MATN2: variants seen among roughly 807,000 people sequenced by gnomAD.
MATN2 encodes matrilin-2.
A neutral mutation model predicts 103.2 loss-of-function variants in MATN2; 69 were observed. That is an observed-to-expected ratio of 0.67 (90% CI 0.55 to 0.82). MATN2 has a LOEUF of 0.82. MATN2 is among the 40% of genes least tolerant of loss of function. The pLI is 0.00. For synonymous variants in MATN2, 429 were observed against 450.2 expected (o/e 0.95, Z 0.60); for missense variants, 1,023 against 1,211.5 (o/e 0.84, Z 2.31).
chr8:97,919,676 A>C (rs2512066), intron 2 of MATN2, among the ~76,000 whole-genome samples: 129,414 of 151,338 alleles, frequency 0.86, 55,551 homozygotes, highest in African/African-American at 0.93. Context: ...GCCCTCCCAA[A>C]CCCCCACCCA....
At chr8:97,876,567 G>T (rs1818078536) in intron 1 of MATN2, among the ~76,000 whole-genome samples, 1 of 151,460 alleles carries the variant, frequency 6.6e-6, no homozygotes. Context: ...CAAGCAATCT[G>T]CTCGGCTCAG....
At chr8:97,869,414 C>T (rs1226957802) in intron 1 of MATN2, 127 bp downstream of exon 1, 1 of 151,532 alleles carries the variant, frequency 6.6e-6, no homozygotes, top group East Asian at 1.9e-4. Context: ...CAGGCCCGCA[C>T]TGCAGCCCCC....
Position 97,931,484 on chromosome 8 carries a change from T to C in MATN2, c.674T>C (p.Ile225Thr), listed in dbSNP as rs1457441036. The change falls in exon 3 of 19, where the codon ATT becomes ACT. Residue 225 changes from isoleucine (I) to threonine (T), a missense_variant. By Grantham distance (89) the Ile-to-Thr change is moderately conservative. Coordinates refer to ENST00000254898, the MANE Select transcript of MATN2 (RefSeq NM_002380.5). The surrounding 1 kb of genome is among the most constrained non-coding windows in gnomAD (Gnocchi z 4.1). ...HVFLVANFSQ[I>T]ETLTSVFQKK... ...TTCCTTGTGGCCAATTTCAGCCAGA[T>C]TGAGACGCTGACCTCCGTGTTCCAG... The C allele has an allele frequency of 1.2e-6, 2 of 1,612,894 alleles. No individual in the cohort carries two copies. Among genetic ancestry groups the C allele is most frequent in the Non-Finnish European group, 1.7e-6 (2 of 1,179,604 alleles).
At chr8:97,881,432 G>A (rs866807626) in intron 1 of MATN2, among the ~76,000 whole-genome samples, 3 of 152,160 alleles carry the variant, frequency 2.0e-5, no homozygotes, top group African/African-American at 7.2e-5. Context: ...AGAAGAACCC[G>A]TAGTTAAGAC....
At chr8:98,013,236 C>T (rs1813232411) in intron 10 of MATN2, among the ~76,000 whole-genome samples, 1 of 152,168 alleles carries the variant, frequency 6.6e-6, no homozygotes, top group Non-Finnish European at 1.5e-5. Flanking sequence ...ATTTCCCATC[C>T]ACGGTTCTTT....
At chr8:98,023,998 C>T (rs1813694563) in intron 13 of MATN2, among the ~76,000 whole-genome samples, 1 of 152,116 alleles carries the variant, frequency 6.6e-6, no homozygotes, top group African/African-American at 2.4e-5. Context: ...AATGAGAACA[C>T]ATGGACACAG....
intron 7 of MATN2, among the ~76,000 whole-genome samples, chr8:98,002,151 G>C (rs966765242): frequency 1.3e-5 from 2 of 152,140 alleles, no homozygotes; most frequent in Non-Finnish European, 2.9e-5. Context: ...GCTATGTGTG[G>C]GGTCTTATGG....
chr8:97,927,775 T>C (rs768542064), intron 2 of MATN2, among the ~76,000 whole-genome samples: 80 of 152,206 alleles, frequency 5.3e-4, no homozygotes, highest in Non-Finnish European at 9.4e-4. Context: ...CAATTCTCCA[T>C]GGAACTTCCA....
intron 2 of MATN2, among the ~76,000 whole-genome samples, chr8:97,924,646 G>A (rs1809926317): frequency 1.3e-5 from 2 of 152,074 alleles, no homozygotes; most frequent in Non-Finnish European, 1.5e-5. Context: ...AGTAAGAATG[G>A]GAACCATCAG....
At chr8:97,998,336 C>T (rs929304317) in intron 7 of MATN2, among the ~76,000 whole-genome samples, 25 of 150,172 alleles carry the variant, frequency 1.7e-4, no homozygotes, top group East Asian at 5.9e-4. Flanking sequence ...CTGGCTAACA[C>T]GGTGAAACCC....
In MATN2 at chr8:97,931,291, G is replaced by T; in HGVS notation, c.481G>T (p.Val161Leu). ...GGGGGCCCGGCCCCTGAGGGAGAAT[G>T]TGCCACGGGTCATAATGATCGTGAC... ...AEGARPLREN[V>L]PRVIMIVTDG... The change falls in exon 3 of 19, where the codon GTG becomes TTG. Residue 161 changes from valine (V) to leucine (L), a missense_variant. Coordinates refer to ENST00000254898, the MANE Select transcript of MATN2 (RefSeq NM_002380.5). The surrounding 1 kb of genome is among the most constrained non-coding windows in gnomAD (Gnocchi z 4.1). The T allele has an allele frequency of 6.2e-7, 1 of 1,613,964 alleles. No homozygotes were observed. Among genetic ancestry groups the T allele is most frequent in the Non-Finnish European group, 8.5e-7 (1 of 1,179,888 alleles).
At chr8:98,003,809 C>T (rs1275375963) in intron 8 of MATN2, 26 bp downstream of exon 8, 1 of 1,612,726 alleles carries the variant, frequency 6.2e-7, no homozygotes. Context: ...GGGTGGGGTG[C>T]TGATGGAAGG....
At chr8:97,979,124 A>C in intron 6 of MATN2, 116 bp downstream of exon 6, 1 of 1,252,232 alleles carries the variant, frequency 8.0e-7, no homozygotes, top group African/African-American at 1.5e-5. Context: ...ATGGGGGTCT[A>C]ATACCTTTTG....
chr8:97,904,978 G>A (rs1211734177), intron 2 of MATN2, among the ~76,000 whole-genome samples: 1 of 152,148 alleles, frequency 6.6e-6, no homozygotes, highest in African/African-American at 2.4e-5. Context: ...TAGCAGTACT[G>A]TGTCTCCAGT....
intron 10 of MATN2, among the ~76,000 whole-genome samples, chr8:98,011,769 A>G (rs1813170254): frequency 6.6e-6 from 1 of 152,122 alleles, no homozygotes; most frequent in African/African-American, 2.4e-5. Context: ...GGAGCCCCAG[A>G]CGCAGGATTG....
intron 2 of MATN2, among the ~76,000 whole-genome samples, chr8:97,919,229 T>C (rs926918709): frequency 2.0e-5 from 3 of 152,194 alleles, no homozygotes; most frequent in Admixed American, 6.5e-5. Flanking sequence ...CAAATGCAGA[T>C]TCCTGGGCCT....
chr8:98,022,038 C>A (rs922527917), intron 13 of MATN2, among the ~76,000 whole-genome samples: 1 of 152,012 alleles, frequency 6.6e-6, no homozygotes, highest in African/African-American at 2.4e-5. Flanking sequence ...GTTTACAAAG[C>A]CATGTATACA....
chr8:97,977,949 C>A (rs1811893870), intron 5 of MATN2, among the ~76,000 whole-genome samples: 1 of 152,154 alleles, frequency 6.6e-6, no homozygotes, highest in African/African-American at 2.4e-5. Flanking sequence ...CTATTACATC[C>A]CACCTGCTAC....
chr8:97,888,286 G>T, intron 2 of MATN2, 44 bp downstream of exon 2: 1 of 1,454,460 alleles, frequency 6.9e-7, no homozygotes, highest in Non-Finnish European at 9.1e-7. Flanking sequence ...GGTGGGGGTG[G>T]TTTGGGGAGG....
Sources: allele counts gnomAD v4.1 joint callset (sites outside exome capture counted in the v4.1 genomes callset), GRCh38; gene constraint gnomAD v4.1.1; non-coding constraint Gnocchi (gnomAD v3.1); transcripts MANE v1.5; gene names NCBI Gene and HGNC (gene_info 2026-07-23, HGNC 2026-07-21).